Variants in SMOC1 observed in about 807,000 individuals in gnomAD.
SMOC1 encodes the protein SPARC related modular calcium binding 1, also known as SPARC-related modular calcium-binding protein 1.
A neutral mutation model predicts 56.3 loss-of-function variants in SMOC1; 22 were observed. The ratio of observed to expected loss-of-function variants is 0.39; its 90% CI spans 0.28 to 0.56. The LOEUF (loss-of-function observed/expected upper bound fraction) is 0.56. Ranked by LOEUF, SMOC1 falls within the 20% of genes least tolerant of loss-of-function variation. The probability of loss-of-function intolerance (pLI) is 0.61; values close to 1 mark genes in which losing one functional copy is unlikely to be tolerated. For missense variants in SMOC1, 509 were observed against 565.4 expected (o/e 0.90, Z 1.01); for synonymous variants, 193 against 215.0 (o/e 0.90, Z 0.89).
At chr14:70,015,890 T>C (rs1443206598) in intron 10 of SMOC1, among the ~76,000 whole-genome samples, 1 of 152,148 alleles carries the variant, frequency 6.6e-6, no homozygotes, top group Non-Finnish European at 1.5e-5. Flanking sequence ...GAAAGATTTA[T>C]GTTTTATGTT....
At chr14:69,881,378 T>TG (rs1883633879) in intron 1 of SMOC1, among the ~76,000 whole-genome samples, 1 of 151,642 alleles carries the variant, frequency 6.6e-6, no homozygotes, top group Non-Finnish European at 1.5e-5. Flanking sequence ...AGACAAATGG[T>TG]GGGGGGCTCG....
chr14:69,932,528 G>C (rs960960084), intron 1 of SMOC1, among the ~76,000 whole-genome samples: 7 of 152,190 alleles, frequency 4.6e-5, no homozygotes, highest in African/African-American at 7.2e-5. Context: ...GGAACCTTTC[G>C]GTGCCATTTG....
At chr14:70,030,023 C>T (rs924974736) in intron 11 of SMOC1, among the ~76,000 whole-genome samples, 1 of 152,162 alleles carries the variant, frequency 6.6e-6, no homozygotes, top group Non-Finnish European at 1.5e-5. Context: ...GGTGGTGCCT[C>T]ATAGTGGCAA....
chr14:69,907,409 ATTTC>A (rs367940163), intron 1 of SMOC1, among the ~76,000 whole-genome samples: 86 of 152,216 alleles, frequency 5.6e-4, no homozygotes, highest in African/African-American at 2.0e-3. Context: ...ATATATGGTG[ATTTC>A]TTTGTCTATT....
chr14:69,902,523 CT>C (rs1354700250), intron 1 of SMOC1, among the ~76,000 whole-genome samples: 2 of 152,114 alleles, frequency 1.3e-5, no homozygotes, highest in Non-Finnish European at 1.5e-5. Flanking sequence ...GAGACTAGGC[CT>C]TGGGGTCCTT....
chr14:69,954,370 T>C (rs1883113431), intron 3 of SMOC1, among the ~76,000 whole-genome samples: 1 of 152,210 alleles, frequency 6.6e-6, no homozygotes, highest in Non-Finnish European at 1.5e-5. Context: ...GATCTTGCTA[T>C]GTTGCCCAGA....
chr14:70,003,174 A>T (rs1479776122), intron 7 of SMOC1, among the ~76,000 whole-genome samples: 1 of 152,196 alleles, frequency 6.6e-6, no homozygotes, highest in Non-Finnish European at 1.5e-5. Flanking sequence ...TCAGCATTTC[A>T]TTCATTTTTG....
intron 1 of SMOC1, among the ~76,000 whole-genome samples, chr14:69,930,138 C>A (rs941825792): frequency 3.1e-5 from 4 of 130,508 alleles, no homozygotes; most frequent in Non-Finnish European, 6.0e-5. Flanking sequence ...CCCACCTCTG[C>A]CCTCACCCCT....
chr14:69,920,822 A>G (rs929369544), intron 1 of SMOC1, among the ~76,000 whole-genome samples: 2 of 152,176 alleles, frequency 1.3e-5, no homozygotes, highest in African/African-American at 4.8e-5. Flanking sequence ...GAGGAAGAGG[A>G]CTTGCCCAGT....
At chr14:69,998,160 A>G (rs1285887338) in intron 7 of SMOC1, among the ~76,000 whole-genome samples, 1 of 152,078 alleles carries the variant, frequency 6.6e-6, no homozygotes, top group Non-Finnish European at 1.5e-5. Flanking sequence ...AGGCTTTGTC[A>G]TGTGTTCACT....
chr14:69,936,417 A>T (rs1469986072), intron 1 of SMOC1, among the ~76,000 whole-genome samples: 1 of 152,238 alleles, frequency 6.6e-6, no homozygotes, highest in Non-Finnish European at 1.5e-5. Flanking sequence ...CTGTAATGCT[A>T]ATGACACTGT....
chr14:69,900,638 T>A (rs1315817566), intron 1 of SMOC1, among the ~76,000 whole-genome samples: 4 of 152,222 alleles, frequency 2.6e-5, no homozygotes, highest in Non-Finnish European at 5.9e-5. Context: ...GATGCTTACT[T>A]CAGGCAGCAG....
In SMOC1 at chr14:69,885,694, G is replaced by T. The variant is rs1041855573; in HGVS notation, c.99+5917G>T. On this transcript the variant is annotated intron_variant, in intron 1 of 11. Transcript: ENST00000361956. Reference sequence around the variant, plus strand: ...AAATCACCACCAGCTGAGCTTTCTTGTTCTCCACCAAGGTGGTGACAGTGT... The same window carrying T: ...AAATCACCACCAGCTGAGCTTTCTTTTTCTCCACCAAGGTGGTGACAGTGT... The T allele has an allele frequency of 3.9e-5, 57 of 1,451,780 alleles. No individual in the cohort carries two copies. The African/African-American group carries it at 6.3e-4, about 16-fold the overall frequency. 89.9% of individuals were successfully genotyped at this position (1,451,780 alleles called of 1,614,324 possible).
At chr14:69,996,749 GCTAA>G (rs1040684164) in intron 7 of SMOC1, among the ~76,000 whole-genome samples, 8 of 152,228 alleles carry the variant, frequency 5.3e-5, no homozygotes, top group Non-Finnish European at 1.2e-4. Flanking sequence ...TGAGACCAGG[GCTAA>G]CTGTTAGAGA....
intron 10 of SMOC1, among the ~76,000 whole-genome samples, chr14:70,022,775 T>C (rs1885777086): frequency 6.6e-6 from 1 of 152,242 alleles, no homozygotes; most frequent in Admixed American, 6.5e-5. Context: ...TCAGAGCACC[T>C]TCCCCACAGT....
chr14:69,971,315 G>T (rs530521333), intron 3 of SMOC1, among the ~76,000 whole-genome samples: 16 of 152,164 alleles, frequency 1.1e-4, no homozygotes, highest in Non-Finnish European at 1.6e-4. Context: ...ACCGCACCTG[G>T]CCCCGCTCCC....
chr14:70,013,595 AGGGCTGGAAGTTGATCTTTTTC>A, intron 10 of SMOC1, 104 bp downstream of exon 10: 1 of 950,996 alleles, frequency 1.1e-6, no homozygotes, highest in South Asian at 1.3e-5. Flanking sequence ...GAGGAGGGCA[AGGGCTGGAAGTTGATCTTTTTC>A]CTGAAACCAT....
At chr14:69,924,526 G>C (rs1160960230) in intron 1 of SMOC1, among the ~76,000 whole-genome samples, 2 of 151,784 alleles carry the variant, frequency 1.3e-5, no homozygotes, top group African/African-American at 4.8e-5. Context: ...TGGCACCCGG[G>C]AATAAAATTC....
Position 70,030,991 on chromosome 14 carries a change from C to T in SMOC1, c.*733C>T, listed in dbSNP as rs761838383. The T allele has an allele frequency of 1.3e-5, 2 of 152,216 alleles. No homozygotes were observed. Among genetic ancestry groups the T allele is most frequent in the Non-Finnish European group, 2.9e-5 (2 of 68,074 alleles). The allele number at this position is 152,216 out of a possible 1,614,324, so 9.4% of individuals were successfully genotyped here. ...AATAGCCCACACAGGTACCGGCTCT[C>T]AGAGGGTCCGTGCATTCCTGCTCTC... is the stretch of plus-strand genomic sequence containing the variant. On this transcript the variant is annotated 3_prime_UTR_variant, in exon 12 of 12. Transcript: ENST00000361956.
Sources: allele counts gnomAD v4.1 joint callset (sites outside exome capture counted in the v4.1 genomes callset), GRCh38; gene constraint gnomAD v4.1.1; transcripts MANE v1.5; gene names NCBI Gene and HGNC (gene_info 2026-07-23, HGNC 2026-07-21).